DPP6: variants seen among roughly 807,000 people sequenced by gnomAD.
DPP6 encodes A-type potassium channel modulatory protein DPP6.
Under a neutral mutation model 122.6 loss-of-function variants are expected in DPP6, and 69 were observed. That is an observed-to-expected ratio of 0.56 (90% CI 0.46 to 0.69). The LOEUF (loss-of-function observed/expected upper bound fraction) is 0.69. Ranked by LOEUF, DPP6 falls within the 30% of genes least tolerant of loss-of-function variation. The pLI is 0.00. For missense variants in DPP6, 928 were observed against 1,116.9 expected, an observed-to-expected ratio of 0.83 and a Z score of 2.41; for synonymous variants, 418 against 433.1, an observed-to-expected ratio of 0.97 and a Z score of 0.43.
intron 5 of DPP6, among the ~76,000 whole-genome samples, chr7:154,579,086 T>C (rs969492930): frequency 2.3e-4 from 35 of 152,236 alleles, no homozygotes; most frequent in East Asian, 1.9e-4. Context: ...CAGTGGCTCA[T>C]GCCTGTAATC....
At chr7:154,191,206 G>C (rs1235203823) in intron 1 of DPP6, among the ~76,000 whole-genome samples, 1 of 152,310 alleles carries the variant, frequency 6.6e-6, no homozygotes, top group South Asian at 2.1e-4. Context: ...GGCAGGGCTT[G>C]TGTATGTGAA....
intron 7 of DPP6, among the ~76,000 whole-genome samples, chr7:154,714,322 C>T (rs1841358883): frequency 6.6e-6 from 1 of 152,222 alleles, no homozygotes; most frequent in South Asian, 2.1e-4. Flanking sequence ...GTAGCTTCCA[C>T]ATTTTGGGAT....
At chr7:153,897,698 A>G (rs951305688) in intron 1 of DPP6, among the ~76,000 whole-genome samples, 1 of 152,206 alleles carries the variant, frequency 6.6e-6, no homozygotes, top group East Asian at 1.9e-4. Flanking sequence ...TTTAACAACA[A>G]GACACCATAT....
chr7:153,877,240 A>G, the DPP6 span, among the ~76,000 whole-genome samples: 1 of 152,154 alleles, frequency 6.6e-6, no homozygotes, highest in African/African-American at 2.4e-5. Flanking sequence ...TTGCAATCAC[A>G]CTTACCTTAA....
chr7:154,374,313 G>A (rs553846113), intron 1 of DPP6, among the ~76,000 whole-genome samples: 15 of 152,322 alleles, frequency 9.8e-5, no homozygotes, highest in African/African-American at 3.6e-4. Context: ...TGCTTAGCTA[G>A]CAAGGGGGAG....
intron 3 of DPP6, among the ~76,000 whole-genome samples, chr7:154,509,181 A>G (rs1825874641): frequency 6.6e-6 from 1 of 152,218 alleles, no homozygotes; most frequent in Non-Finnish European, 1.5e-5. Context: ...TACCATGAAG[A>G]AAGGGAAAAG....
At chr7:154,205,854 C>T (rs990899674) in intron 1 of DPP6, among the ~76,000 whole-genome samples, 2 of 152,134 alleles carry the variant, frequency 1.3e-5, no homozygotes, top group Admixed American at 6.5e-5. Context: ...GATTCTCAGC[C>T]ATCCCAGCCT....
At chr7:153,967,100 A>C (rs1563058412) in intron 1 of DPP6, among the ~76,000 whole-genome samples, 1 of 151,816 alleles carries the variant, frequency 6.6e-6, no homozygotes, top group Non-Finnish European at 1.5e-5. Context: ...AGATAAAAAA[A>C]AAATCTCTAG....
intron 10 of DPP6, among the ~76,000 whole-genome samples, chr7:154,776,511 T>A (rs191042960): frequency 1.9e-4 from 29 of 152,344 alleles, no homozygotes; most frequent in Non-Finnish European, 2.8e-4. Flanking sequence ...GATACTTTTT[T>A]AAATTGTTTC....
intron 5 of DPP6, among the ~76,000 whole-genome samples, chr7:154,590,349 AT>A (rs890706995): frequency 1.3e-5 from 2 of 151,460 alleles, no homozygotes; most frequent in Admixed American, 6.6e-5. Context: ...TCTGAAACTT[AT>A]TTTTTTATGC....
the DPP6 span, among the ~76,000 whole-genome samples, chr7:153,771,472 TG>T: frequency 9.9e-5 from 15 of 152,198 alleles, no homozygotes; most frequent in Admixed American, 3.9e-4. Context: ...CCCAAGTAGC[TG>T]GTATTACAGG....
In DPP6 at chr7:153,988,925, G is replaced by A. The variant is rs534449842; in HGVS notation, c.51+101191G>A. 2.1e-4 allele frequency among the ~76,000 whole-genome samples: 31 copies of A among 150,088 alleles called. No homozygotes were observed. In the East Asian group the frequency reaches 2.8e-3, roughly 14 times the overall value. On this transcript the variant is annotated intron_variant, in intron 1 of 25. Coordinates refer to the DPP6 transcript ENST00000404039. ...GAAGTCAGGCGGGCCAGCGCGCCGG[G>A]AGTGGTGGGAAGGGGGCTTCGCAGG...
intron 17 of DPP6, among the ~76,000 whole-genome samples, chr7:154,866,904 C>G (rs1303765486): frequency 2.6e-5 from 4 of 152,030 alleles, no homozygotes; most frequent in Non-Finnish European, 5.9e-5. Context: ...CCACACAAAG[C>G]CACACGTCCA....
chr7:154,818,904 C>T (rs1297435234), intron 16 of DPP6, among the ~76,000 whole-genome samples: 3 of 152,202 alleles, frequency 2.0e-5, no homozygotes, highest in Non-Finnish European at 2.9e-5. Flanking sequence ...GAACATGTCA[C>T]ACTCTTCAGT....
chr7:154,445,034 A>G (rs1586292294), intron 1 of DPP6, among the ~76,000 whole-genome samples: 2 of 152,382 alleles, frequency 1.3e-5, no homozygotes, highest in African/African-American at 4.8e-5. Flanking sequence ...ATTTAATAAC[A>G]AATATAGCCA....
intron 1 of DPP6, among the ~76,000 whole-genome samples, chr7:154,358,392 A>G (rs946646885): frequency 6.6e-6 from 1 of 152,152 alleles, no homozygotes; most frequent in Non-Finnish European, 1.5e-5. Context: ...AACCATCTCA[A>G]TTTGTAAACT....
At chr7:154,338,466 A>C (rs532330385) in intron 1 of DPP6, among the ~76,000 whole-genome samples, 1 of 152,354 alleles carries the variant, frequency 6.6e-6, no homozygotes, top group African/African-American at 2.4e-5. Flanking sequence ...TGAAATAAAA[A>C]ATGTCAGGTA....
chr7:154,058,096 C>T (rs1282353230), intron 1 of DPP6: 1 of 141,434 alleles, frequency 7.1e-6, no homozygotes, highest in African/African-American at 2.6e-5. Flanking sequence ...GAGGCATCCC[C>T]CATGAGGCGG....
chr7:154,013,453 C>A (rs973075902), intron 1 of DPP6, among the ~76,000 whole-genome samples: 1 of 125,034 alleles, frequency 8.0e-6, no homozygotes, highest in African/African-American at 3.4e-5. Context: ...CCTCAGGTTT[C>A]TTTTCTTTTT....
Sources: allele counts gnomAD v4.1 joint callset (sites outside exome capture counted in the v4.1 genomes callset), GRCh38; gene constraint gnomAD v4.1.1; transcripts MANE v1.5; gene names NCBI Gene and HGNC (gene_info 2026-07-23, HGNC 2026-07-21).